Variants in CLASP2 observed in about 807,000 individuals in gnomAD.
The protein encoded by CLASP2 is CLIP-associating protein 2.
A neutral mutation model predicts 194.4 loss-of-function variants in CLASP2; 47 were observed. That is an observed-to-expected ratio of 0.24 (90% CI 0.19 to 0.31). The LOEUF is 0.31. CLASP2 is among the 10% of genes least tolerant of loss of function. CLASP2 has a pLI of 1.00. For synonymous variants in CLASP2, 619 were observed against 633.5 expected (o/e 0.98, Z 0.34); for missense variants, 1,445 against 1,823.6 (o/e 0.79, Z 3.78).
At position 33,711,424 on chromosome 3, in the gene CLASP2, C is replaced by CT. The variant is rs780380755; in HGVS notation, c.195+6383dup. 4.9e-3 allele frequency among the ~76,000 whole-genome samples: 673 copies of CT among 136,094 alleles called. 11 individuals are homozygous for CT. In the South Asian group the frequency reaches 0.064, roughly 13 times the overall value. 89.3% of individuals were successfully genotyped at this position (136,094 alleles called of 152,430 possible). A position where few individuals can be genotyped will look rare whatever the true frequency, so the allele number is the denominator to read the frequency against. The stretch of plus-strand genomic sequence containing the variant: ...CCATACCTGGCTAATTTTTTTATTT[C>CT]TTTTTTTTTTTTTTTGGTAGAGACA... On this transcript the variant is annotated intron_variant, in intron 1 of 38. Coordinates refer to ENST00000682230, the MANE Select transcript of CLASP2 (RefSeq NM_001365631.1).
chr3:33,529,885 G>T (rs1446500071), intron 34 of CLASP2, among the ~76,000 whole-genome samples: 1 of 150,470 alleles, frequency 6.6e-6, no homozygotes, highest in Non-Finnish European at 1.5e-5. Context: ...GGCTGAGGCA[G>T]GAGAATGGTG....
intron 21 of CLASP2, among the ~76,000 whole-genome samples, chr3:33,589,101 A>G (rs143962208): frequency 6.6e-6 from 1 of 152,256 alleles, no homozygotes; most frequent in East Asian, 1.9e-4. Context: ...AGGAACAACT[A>G]CAATATTGTA....
At chr3:33,715,919 A>C (rs1052017870) in intron 1 of CLASP2, among the ~76,000 whole-genome samples, 1 of 151,500 alleles carries the variant, frequency 6.6e-6, no homozygotes, top group African/African-American at 2.4e-5. Flanking sequence ...TTAAAGCAAC[A>C]GATTAATTAG....
intron 21 of CLASP2, 53 bp from the exon 22 acceptor site, chr3:33,584,973 G>T: frequency 6.7e-7 from 1 of 1,487,748 alleles, no homozygotes; most frequent in Non-Finnish European, 9.1e-7. Context: ...AAGAGAATTT[G>T]CTGAAAGGAT....
chr3:33,563,941 T>C, intron 27 of CLASP2: 1 of 456,140 alleles, frequency 2.2e-6, no homozygotes, highest in Non-Finnish European at 4.4e-6. Context: ...CCCCACTCCA[T>C]TCATTTACAC....
At chr3:33,669,480 A>G (rs2086763458) in intron 6 of CLASP2, among the ~76,000 whole-genome samples, 1 of 152,140 alleles carries the variant, frequency 6.6e-6, no homozygotes, top group African/African-American at 2.4e-5. Context: ...AAAGCAAGTC[A>G]CAGAGTGAGA....
intron 8 of CLASP2, among the ~76,000 whole-genome samples, chr3:33,643,599 T>C (rs943370057): frequency 6.6e-6 from 1 of 151,996 alleles, no homozygotes; most frequent in Non-Finnish European, 1.5e-5. Context: ...AGCTATTTAG[T>C]TATATGTGCA....
chr3:33,700,629 T>C (rs1340971047), intron 1 of CLASP2, among the ~76,000 whole-genome samples: 2 of 152,022 alleles, frequency 1.3e-5, no homozygotes, highest in Admixed American at 6.6e-5. Flanking sequence ...GCAGATCACC[T>C]GAGGTCAGGA....
rs774692902 is a variant in CLASP2, at chr3:33,535,370, A to G, written c.3650T>C (p.Leu1217Pro). Residue 1217 changes from leucine to proline, a missense_variant, in exon 34 of 39, where the codon CTC (leucine) becomes CCC (proline). This residue lies in a region of CLASP2 where 732 missense variants were observed against 987.9 expected (regional missense o/e 0.74). Coordinates refer to ENST00000682230, the MANE Select transcript of CLASP2 (RefSeq NM_001365631.1). ...AGAGGAGTGAGTAGGCATTGAATGG[A>G]GCAATGAAGCTTTATTATCAAGAGC... ...QTALDNKASLLHSMPTHSSPR... is the reference protein window; with the variant it reads ...QTALDNKASLPHSMPTHSSPR... 2 of 1,613,940 alleles carry G rather than the reference A, an allele frequency of 1.2e-6. No homozygotes were observed. The highest frequency in any genetic ancestry group is 1.7e-6 in the Non-Finnish European group (2 of 1,179,868).
At chr3:33,675,434 T>A (rs1159777709) in intron 6 of CLASP2, among the ~76,000 whole-genome samples, 1 of 151,178 alleles carries the variant, frequency 6.6e-6, no homozygotes, top group Non-Finnish European at 1.5e-5. Context: ...ATGGGACATA[T>A]CTCAAAATAA....
At chr3:33,628,749 C>T (rs1462397743) in intron 9 of CLASP2, among the ~76,000 whole-genome samples, 1 of 151,766 alleles carries the variant, frequency 6.6e-6, no homozygotes, top group Non-Finnish European at 1.5e-5. Flanking sequence ...TCTAGATAAA[C>T]GTGGGAACTG....
At position 33,591,505 on chromosome 3, in the gene CLASP2, A is replaced by T. The variant is rs187600997; in HGVS notation, c.2068+890T>A. 3.7e-3 allele frequency among the ~76,000 whole-genome samples: 564 copies of T among 152,036 alleles called. 2 individuals are homozygous for T. The highest frequency in any genetic ancestry group is 0.013 in the African/African-American group (536 of 41,478). On this transcript the variant is annotated intron_variant, in intron 21 of 38. Coordinates refer to ENST00000682230, the MANE Select transcript of CLASP2 (RefSeq NM_001365631.1). ...GCAAGCCTGTGGCACCAGCCACTCAAGAGGCTGAGGTGGGAGGATTGCTTG... is the reference window on the plus strand; with the variant it reads ...GCAAGCCTGTGGCACCAGCCACTCATGAGGCTGAGGTGGGAGGATTGCTTG...
In CLASP2 at chr3:33,644,837, T is replaced by C. The variant is rs1272453710; in HGVS notation, c.782A>G (p.Lys261Arg). 6.2e-6 allele frequency: 10 copies of C among 1,611,898 alleles called. No homozygotes were observed. Among genetic ancestry groups the C allele is most frequent in the Non-Finnish European group, 8.5e-6 (10 of 1,178,936 alleles). Residue 261 changes from lysine (K) to arginine (R), a missense_variant, in exon 8 of 39, where the codon AAG becomes AGG. Lys to Arg is a conservative substitution (Grantham distance 26, BLOSUM62 2). This residue lies in a region of CLASP2 where 332 missense variants were observed against 325.3 expected (regional missense o/e 1.02). Transcript: ENST00000682230. Reference protein sequence around the residue: ...NRPSSAASAFKVPAPKTSGNP... With the variant: ...NRPSSAASAFRVPAPKTSGNP... ...TCCGGATGTTTTAGGTGCAGGAACC[T>C]TGAAGGCTGATGCAGCTGATGATGG...
At chr3:33,604,675 A>G (rs1463380767) in intron 16 of CLASP2, among the ~76,000 whole-genome samples, 1 of 152,154 alleles carries the variant, frequency 6.6e-6, no homozygotes, top group Non-Finnish European at 1.5e-5. Flanking sequence ...AGTTCCTCCC[A>G]ATCATCAGGT....
At chr3:33,539,594 C>T (rs1298053440) in intron 32 of CLASP2, among the ~76,000 whole-genome samples, 3 of 152,158 alleles carry the variant, frequency 2.0e-5, no homozygotes, top group African/African-American at 7.2e-5. Flanking sequence ...CTCGGCCTCC[C>T]AAAGTGCTGG....
chr3:33,717,850 T>G lies in CLASP2; in HGVS notation c.153A>C (p.Thr51=). 6.4e-7 allele frequency: 1 copy of G among 1,565,366 alleles called. No homozygotes were observed. Among genetic ancestry groups the G allele is most frequent in the Middle Eastern group, 1.7e-4 (1 of 6,008 alleles). The part of the protein sequence containing the change: ...LEEDLGRLGK[T]VDALTGWVGS... ...CCACCCAGCCGGTGAGCGCGTCGAC[T>G]GTCTTGCCTAGGCGGCCCAGGTCCT... Residue 51 remains threonine, a synonymous_variant, in exon 1 of 39, where the codon ACA becomes ACC. Coordinates refer to ENST00000682230, the MANE Select transcript of CLASP2 (RefSeq NM_001365631.1).
chr3:33,555,944 T>C (rs1309354323), intron 29 of CLASP2, among the ~76,000 whole-genome samples: 2 of 152,176 alleles, frequency 1.3e-5, no homozygotes, highest in African/African-American at 4.8e-5. Context: ...TTTGAACATG[T>C]ATATTTATTA....
intron 29 of CLASP2, among the ~76,000 whole-genome samples, chr3:33,552,375 C>T (rs1387727401): frequency 2.0e-5 from 3 of 152,110 alleles, no homozygotes; most frequent in Non-Finnish European, 4.4e-5. Flanking sequence ...CCTCAGTCTC[C>T]CGAAGTGCTG....
chr3:33,501,868 G>T, intron 37 of CLASP2, 100 bp from the exon 38 acceptor site: 1 of 759,538 alleles, frequency 1.3e-6, no homozygotes, highest in Non-Finnish European at 2.3e-6. Flanking sequence ...GAAATCTCGA[G>T]CATACTAAGG....
Sources: allele counts gnomAD v4.1 joint callset (sites outside exome capture counted in the v4.1 genomes callset), GRCh38; gene constraint gnomAD v4.1.1; regional missense constraint gnomAD v4.1.1; transcripts MANE v1.5; gene names NCBI Gene and HGNC (gene_info 2026-07-23, HGNC 2026-07-21).